Variants in GLE1 observed in about 807,000 individuals in gnomAD.
The protein encoded by GLE1 is GLE1 RNA export mediator, also known as mRNA export factor GLE1.
GLE1 carries 78 observed loss-of-function variants against 97.3 expected under a neutral mutation model. The ratio of observed to expected loss-of-function variants is 0.80; its 90% CI spans 0.67 to 0.97. GLE1 has a LOEUF of 0.97. GLE1 is among the 50% of genes least tolerant of loss of function. GLE1 has a pLI of 0.00. For synonymous variants in GLE1, 302 were observed against 313.4 expected (o/e 0.96, Z 0.39); for missense variants, 753 against 857.5 (o/e 0.88, Z 1.52).
At chr9:128,520,278 GTGTGTATATATA>G (rs1274981486) in intron 3 of GLE1, among the ~76,000 whole-genome samples, 6 of 149,996 alleles carry the variant, frequency 4.0e-5, no homozygotes, top group Non-Finnish European at 7.4e-5. Flanking sequence ...ATGTATATAT[GTGTGTATATATA>G]TGTGTATATA....
At chr9:128,532,629 A>G in intron 9 of GLE1, 1 of 744,514 alleles carries the variant, frequency 1.3e-6, no homozygotes. Flanking sequence ...CTCTCATCTC[A>G]TCTGTCCTCT....
intron 7 of GLE1, among the ~76,000 whole-genome samples, chr9:128,526,608 A>C (rs1847306719): frequency 6.6e-6 from 1 of 151,508 alleles, no homozygotes; most frequent in East Asian, 1.9e-4. Context: ...ATCTGCCAGC[A>C]TTGGCCTCCC....
intron 9 of GLE1, 24 bp from the exon 10 acceptor site, chr9:128,533,489 T>G: frequency 6.3e-7 from 1 of 1,579,776 alleles, no homozygotes; most frequent in Non-Finnish European, 8.7e-7. Flanking sequence ...GTTATATCTT[T>G]TAATTTCTCT....
At chr9:128,535,707 G>C (rs750341813) in intron 11 of GLE1, among the ~76,000 whole-genome samples, 1 of 152,006 alleles carries the variant, frequency 6.6e-6, no homozygotes, top group Non-Finnish European at 1.5e-5. Context: ...CTTAATCACA[G>C]CTACTCGGGA....
At chr9:128,530,565 T>C (rs913440291) in intron 9 of GLE1, among the ~76,000 whole-genome samples, 3 of 152,180 alleles carry the variant, frequency 2.0e-5, no homozygotes, top group African/African-American at 4.8e-5. Flanking sequence ...TAGTTAGTGC[T>C]CAGTAAGCGT....
chr9:128,511,005 C>T (rs1013958197), intron 2 of GLE1, among the ~76,000 whole-genome samples: 4 of 150,488 alleles, frequency 2.7e-5, no homozygotes, highest in Middle Eastern at 3.2e-3. Context: ...ATCAGTAGTT[C>T]GAGAGCAGCT....
In GLE1 at chr9:128,504,896, C is replaced by T. The variant is rs1252852768; in HGVS notation, c.91C>T (p.Arg31Trp). The T allele has an allele frequency of 2.5e-6, 4 of 1,605,962 alleles. No homozygotes were observed. Among genetic ancestry groups the T allele is most frequent in the Non-Finnish European group, 3.4e-6 (4 of 1,172,830 alleles). The change falls in exon 1 of 16, where the codon CGG (arginine) becomes TGG (tryptophan). Residue 31 changes from arginine to tryptophan, a missense_variant. Transcript: ENST00000309971. Reference sequence around the variant, plus strand: ...TTGCTACTACCGCGACTGGCTGCTGCGGCGCGAGGTGAGCGGTGGCCCCGG... The same window carrying T: ...TTGCTACTACCGCGACTGGCTGCTGTGGCGCGAGGTGAGCGGTGGCCCCGG... ...RLCYYRDWLL[R>W]REDVLEECMS... is the part of the protein sequence containing the mutation.
chr9:128,534,497 C>G (rs1194566766), intron 11 of GLE1, among the ~76,000 whole-genome samples: 1 of 152,086 alleles, frequency 6.6e-6, no homozygotes, highest in Non-Finnish European at 1.5e-5. Flanking sequence ...GGAATTTTAT[C>G]CCTGCTTTGT....
chr9:128,541,257 C>G lies in GLE1; in HGVS notation c.*87C>G. The G allele has an allele frequency of 1.2e-6, 1 of 837,902 alleles. No homozygotes were observed. The highest frequency in any genetic ancestry group is 1.3e-5 in the South Asian group (1 of 75,350). 51.9% of individuals were successfully genotyped at this position (837,902 alleles called of 1,614,324 possible). A position where few individuals can be genotyped will look rare whatever the true frequency, so the allele number is the denominator to read the frequency against. On this transcript the variant is annotated 3_prime_UTR_variant, in exon 16 of 16. Transcript: ENST00000309971. The stretch of plus-strand genomic sequence containing the variant: ...CAGCTGTATTTGGGAGAAGTCATGT[C>G]AGATTCAGAAATTTGCCATTATGTA...
At position 128,516,247 on chromosome 9, in the gene GLE1, G is replaced by A. The variant is rs986128681; in HGVS notation, c.432+608G>A. 4.5e-4 allele frequency among the ~76,000 whole-genome samples: 67 copies of A among 147,936 alleles called. 1 individual carries two copies. The highest frequency in any genetic ancestry group is 1.6e-3 in the African/African-American group (63 of 40,020). On this transcript the variant is annotated intron_variant, in intron 3 of 15. Transcript: ENST00000309971. ...TGCTGGGATTACAGGCATGAGCCAC[G>A]ATGCCCAGTCAGGACCTTAGCCTCT...
intron 5 of GLE1, 104 bp from the exon 6 acceptor site, chr9:128,523,488 T>TGA: frequency 6.8e-7 from 1 of 1,474,330 alleles, no homozygotes; most frequent in Non-Finnish European, 9.5e-7. Flanking sequence ...CTTCCTGCTC[T>TGA]GAGCCCATCT....
intron 9 of GLE1, among the ~76,000 whole-genome samples, chr9:128,533,191 A>G (rs1847573375): frequency 6.6e-6 from 1 of 152,070 alleles, no homozygotes; most frequent in African/African-American, 2.4e-5. Context: ...TGGGAGGCCA[A>G]AGCGGGCGGA....
At chr9:128,519,374 T>C (rs538452272) in intron 3 of GLE1, among the ~76,000 whole-genome samples, 221 of 152,326 alleles carry the variant, frequency 1.5e-3, no homozygotes, top group Middle Eastern at 3.4e-3. Context: ...TGAATTCTTT[T>C]TCTCAGCAAG....
chr9:128,530,975 G>C (rs1847483892), intron 9 of GLE1, among the ~76,000 whole-genome samples: 1 of 151,636 alleles, frequency 6.6e-6, no homozygotes, highest in African/African-American at 2.4e-5. Context: ...CCAGCACTTT[G>C]GGAGGCTGAG....
intron 3 of GLE1, 126 bp from the exon 4 acceptor site, chr9:128,522,542 A>G: frequency 9.9e-7 from 1 of 1,005,650 alleles, no homozygotes; most frequent in Non-Finnish European, 1.4e-6. Flanking sequence ...AGTCCCAGCT[A>G]CTTGGGGAGC....
At chr9:128,516,049 C>T (rs1291857927) in intron 3 of GLE1, among the ~76,000 whole-genome samples, 1 of 151,716 alleles carries the variant, frequency 6.6e-6, no homozygotes, top group Non-Finnish European at 1.5e-5. Flanking sequence ...CTCCACCTCC[C>T]AGGTTCAAGT....
At chr9:128,531,930 C>T (rs1451251079) in intron 9 of GLE1, among the ~76,000 whole-genome samples, 5 of 151,286 alleles carry the variant, frequency 3.3e-5, no homozygotes, top group Admixed American at 6.6e-5. Flanking sequence ...GGGGAGGCCA[C>T]GTCAGTCTAG....
At chr9:128,530,091 C>T (rs1007557360) in intron 9 of GLE1, among the ~76,000 whole-genome samples, 4 of 152,114 alleles carry the variant, frequency 2.6e-5, no homozygotes, top group African/African-American at 7.2e-5. Context: ...CCACTGTGCC[C>T]GGCTGGGATC....
intron 12 of GLE1, chr9:128,536,872 G>A (rs909677939): frequency 2.8e-5 from 6 of 210,792 alleles, no homozygotes; most frequent in Middle Eastern, 1.9e-3. Context: ...CTGCAGCTGG[G>A]GTTCAGGGCT....
Sources: gnomAD v4.1 joint callset for allele counts (sites outside exome capture counted in the v4.1 genomes callset) on GRCh38, gnomAD v4.1.1 for gene constraint, MANE v1.5 for transcripts, NCBI Gene and HGNC (gene_info 2026-07-23, HGNC 2026-07-21) for gene names.